The following EYA2 variants were observed in gnomAD, a reference collection of about 807,000 sequenced individuals.
EYA2 encodes EYA transcriptional coactivator and phosphatase 2, also known as protein phosphatase EYA2.
A neutral mutation model predicts 69.2 loss-of-function variants in EYA2; 31 were observed. That is an observed-to-expected ratio of 0.45 (90% CI 0.34 to 0.60). The LOEUF (loss-of-function observed/expected upper bound fraction) is 0.60, where lower values mean the gene tolerates loss of function less well. EYA2 is among the 20% of genes least tolerant of loss of function. The pLI is 0.02. For synonymous variants in EYA2, 257 were observed against 279.4 expected (o/e 0.92, Z 0.80); for missense variants, 622 against 701.2 (o/e 0.89, Z 1.28).
intron 5 of EYA2, among the ~76,000 whole-genome samples, chr20:47,035,733 G>T (rs980246738): frequency 3.9e-5 from 6 of 152,078 alleles, no homozygotes; most frequent in Admixed American, 2.0e-4. Context: ...AGCTAATACT[G>T]GGCCGGGCTT....
rs537592053 is a variant in EYA2 at position 46,987,644 on chromosome 20, G to A, written c.-10-2357G>A. On this transcript the variant is annotated intron_variant, in intron 1 of 15. Coordinates refer to ENST00000327619, the MANE Select transcript of EYA2 (RefSeq NM_005244.5). ...TACAGATCAAAAATATTCGGGGAGT[G>A]GGGCAAGCACAGTGGCTCACACCCG... Among the ~76,000 whole-genome samples, 88 of 152,074 alleles carry A rather than the reference G, an allele frequency of 5.8e-4. 1 individual carries two copies. The highest frequency in any genetic ancestry group is 2.1e-3 in the African/African-American group (86 of 41,510).
chr20:47,088,627 A>G (rs780882223), intron 7 of EYA2, among the ~76,000 whole-genome samples: 2 of 152,102 alleles, frequency 1.3e-5, no homozygotes, highest in Non-Finnish European at 2.9e-5. Flanking sequence ...TCGCTCTGTT[A>G]TCCAGGTTGG....
At chr20:47,025,054 A>G (rs1055747016) in intron 5 of EYA2, among the ~76,000 whole-genome samples, 1 of 152,168 alleles carries the variant, frequency 6.6e-6, no homozygotes, top group Admixed American at 6.6e-5. Flanking sequence ...ATTCCTGCCA[A>G]TTTTTATGCA....
intron 9 of EYA2, among the ~76,000 whole-genome samples, chr20:47,116,337 C>T (rs905667037): frequency 1.3e-5 from 2 of 151,970 alleles, no homozygotes. Context: ...GCCAATACGC[C>T]TAGCTAATTT....
At chr20:47,051,176 A>G (rs1348669763) in intron 5 of EYA2, among the ~76,000 whole-genome samples, 1 of 152,250 alleles carries the variant, frequency 6.6e-6, no homozygotes, top group Non-Finnish European at 1.5e-5. Flanking sequence ...ACTGGCTGCC[A>G]AGGACTCATC....
chr20:47,115,423 T>A (rs1281254041), intron 9 of EYA2, among the ~76,000 whole-genome samples: 1 of 152,178 alleles, frequency 6.6e-6, no homozygotes, highest in Non-Finnish European at 1.5e-5. Context: ...TCTTTTTTAC[T>A]CCTGTTATTC....
intron 1 of EYA2, among the ~76,000 whole-genome samples, chr20:46,918,047 G>A (rs769406010): frequency 4.6e-5 from 7 of 152,160 alleles, no homozygotes; most frequent in Non-Finnish European, 1.0e-4. Flanking sequence ...TCGGCTGGGC[G>A]TGGTGGCTCA....
intron 5 of EYA2, among the ~76,000 whole-genome samples, chr20:47,018,279 G>T (rs1404868157): frequency 1.3e-5 from 2 of 152,136 alleles, no homozygotes; most frequent in African/African-American, 4.8e-5. Flanking sequence ...AGTGATCTAA[G>T]TTATGTAGGA....
At chr20:47,028,421 TCTC>T (rs1235346233) in intron 5 of EYA2, among the ~76,000 whole-genome samples, 6 of 152,222 alleles carry the variant, frequency 3.9e-5, no homozygotes, top group Non-Finnish European at 8.8e-5. Context: ...TTCACCTTCT[TCTC>T]TTCTTGCCCC....
At chr20:46,915,141 T>C (rs1181314619) in intron 1 of EYA2, among the ~76,000 whole-genome samples, 4 of 152,210 alleles carry the variant, frequency 2.6e-5, no homozygotes, top group Non-Finnish European at 5.9e-5. Flanking sequence ...AGCTTCGAGC[T>C]GTTGCCTGTG....
chr20:46,904,937 A>G (rs533717686), intron 1 of EYA2, among the ~76,000 whole-genome samples: 2 of 152,182 alleles, frequency 1.3e-5, no homozygotes, highest in Non-Finnish European at 1.5e-5. Flanking sequence ...CTCCTACTGC[A>G]TAAAGTGGTG....
intron 15 of EYA2, among the ~76,000 whole-genome samples, chr20:47,184,596 T>G (rs1024138925): frequency 6.6e-6 from 1 of 151,256 alleles, no homozygotes; most frequent in African/African-American, 2.4e-5. Context: ...TTTTGTATTT[T>G]TTTTTTTATA....
chr20:46,974,062 A>G lies in EYA2; in HGVS notation c.-10-15939A>G, dbSNP rs114969268. ...GCTACTTACCGTTGATTTTAGGCAA[A>G]TGTCTTCAATTTCTGTCCTCACTTT... On this transcript the variant is annotated intron_variant, in intron 1 of 15. Transcript: ENST00000327619. 6.8e-3 allele frequency among the ~76,000 whole-genome samples: 1,040 copies of G among 152,254 alleles called. 15 individuals carry two copies. Among genetic ancestry groups the G allele is most frequent in the African/African-American group, 0.024 (988 of 41,542 alleles).
chr20:47,103,021 C>T (rs1260712673), intron 9 of EYA2, among the ~76,000 whole-genome samples: 1 of 152,164 alleles, frequency 6.6e-6, no homozygotes, highest in Non-Finnish European at 1.5e-5. Context: ...TCCTTTTGTG[C>T]CTTGCCTTCT....
rs13347174 is a variant in EYA2, at chr20:47,016,217, G to T, written c.335G>T (p.Gly112Val). 5.0e-6 allele frequency: 8 copies of T among 1,613,962 alleles called. No individual in the cohort carries two copies. In the Middle Eastern group the frequency reaches 6.6e-4, roughly 133 times the overall value. The change falls in exon 5 of 16, where the codon GGC becomes GTC. Residue 112 changes from glycine to valine, a missense_variant. Physicochemically the swap from Gly to Val is moderately radical, Grantham distance 109. This residue lies in a region of EYA2 where 365 missense variants were observed against 349.7 expected (regional missense o/e 1.04). Coordinates refer to ENST00000327619, the MANE Select transcript of EYA2 (RefSeq NM_005244.5). ...GAAGACAGCTTGAACCATTCCCCTG[G>T]CCAGAGTGGATTCCTCAGCTATGGC... Reference protein sequence around the residue: ...KTEDSLNHSPGQSGFLSYGSS... With the variant: ...KTEDSLNHSPVQSGFLSYGSS...
At chr20:47,066,090 A>G (rs1027238300) in intron 5 of EYA2, among the ~76,000 whole-genome samples, 2 of 152,178 alleles carry the variant, frequency 1.3e-5, no homozygotes, top group African/African-American at 4.8e-5. Flanking sequence ...CTGTAATCTG[A>G]GCATTTAGGG....
chr20:47,156,121 CACACACATATATATATATATAT>C (rs2033932456), intron 10 of EYA2, among the ~76,000 whole-genome samples: 3 of 24,376 alleles, frequency 1.2e-4, no homozygotes, highest in African/African-American at 3.2e-4. Context: ...CACACACACA[CACACACATATATATATATATAT>C]ATATATATAT....
chr20:47,100,476 C>T (rs369734407), intron 9 of EYA2, among the ~76,000 whole-genome samples: 14 of 152,328 alleles, frequency 9.2e-5, no homozygotes, highest in African/African-American at 1.7e-4. Context: ...TTTCAACATC[C>T]ATCCTAGAAT....
intron 7 of EYA2, among the ~76,000 whole-genome samples, chr20:47,078,330 C>CACAA (rs2031596898): frequency 3.3e-5 from 1 of 29,878 alleles, no homozygotes; most frequent in African/African-American, 9.4e-5. Flanking sequence ...CGCGCGCGCG[C>CACAA]GCACACACAC....
Sources: allele counts gnomAD v4.1 joint callset (sites outside exome capture counted in the v4.1 genomes callset), GRCh38; gene constraint gnomAD v4.1.1; regional missense constraint gnomAD v4.1.1; transcripts MANE v1.5; gene names NCBI Gene and HGNC (gene_info 2026-07-23, HGNC 2026-07-21).